The following FAM216A variants were observed in gnomAD, a reference collection of about 807,000 sequenced individuals.
FAM216A encodes protein FAM216A.
A neutral mutation model predicts 37.6 loss-of-function variants in FAM216A; 26 were observed. The ratio of observed to expected loss-of-function variants is 0.69; its 90% CI spans 0.51 to 0.96. FAM216A has a LOEUF of 0.96. Ranked by LOEUF, FAM216A falls within the 40% of genes least tolerant of loss-of-function variation. The pLI is 0.00. For missense variants in FAM216A, 326 were observed against 339.3 expected, an observed-to-expected ratio of 0.96 and a Z score of 0.31; for synonymous variants, 110 against 121.7, an observed-to-expected ratio of 0.90 and a Z score of 0.64.
In FAM216A at chr12:110,468,989, T is replaced by C; in HGVS notation, c.114T>C (p.Ala38=). The C allele has an allele frequency of 6.6e-7, 1 of 1,505,490 alleles. No individual in the cohort carries two copies. Among genetic ancestry groups the C allele is most frequent in the South Asian group, 1.2e-5 (1 of 81,776 alleles). The allele number at this position is 1,505,490 out of a possible 1,614,324, so 93.3% of individuals were successfully genotyped here. The change falls in exon 1 of 7, where the codon GCT becomes GCC. Residue 38 remains alanine, a synonymous_variant. Transcript: ENST00000377673. The stretch of plus-strand genomic sequence containing the variant: ...GTAGCTCTTCTGCAGAGCCGCCCGC[T>C]GTGGCCGGGACCGAGGGTGGCGGCG... The part of the protein sequence containing the change: ...TERSSSAEPP[A]VAGTEGGGGG...
In FAM216A at chr12:110,473,151, T is replaced by C. The variant is rs764017215; in HGVS notation, c.184+33T>C. ...GTGCATATAAAGCAGATAATACTTA[T>C]AAGTAACATGGTTCTGAGAAGCCTA... On this transcript the variant is annotated intron_variant, in intron 2 of 6. Coordinates refer to ENST00000377673, the MANE Select transcript of FAM216A (RefSeq NM_013300.3). 11 of 1,276,928 alleles carry C rather than the reference T, an allele frequency of 8.6e-6. No homozygotes were observed. The African/African-American group carries it at 1.5e-4, about 17-fold the overall frequency. 79.1% of individuals were successfully genotyped at this position (1,276,928 alleles called of 1,614,324 possible).
At chr12:110,486,941 A>G (rs1337129850) in intron 5 of FAM216A, 1 of 494,080 alleles carries the variant, frequency 2.0e-6, no homozygotes, top group Non-Finnish European at 3.6e-6. Context: ...AATTGTTTGT[A>G]CAGAAAGCAT....
intron 2 of FAM216A, among the ~76,000 whole-genome samples, chr12:110,481,761 ATTGT>A (rs772777406): frequency 1.3e-5 from 2 of 152,148 alleles, no homozygotes; most frequent in African/African-American, 2.4e-5. Context: ...TCTCAGAAAT[ATTGT>A]TTATTAAGGA....
intron 6 of FAM216A, among the ~76,000 whole-genome samples, chr12:110,489,290 AG>A (rs2135558552): frequency 6.6e-6 from 1 of 152,248 alleles, no homozygotes; most frequent in Admixed American, 6.5e-5. Flanking sequence ...AGATCACCTG[AG>A]GTCAGGAGTT....
chr12:110,486,536 G>A lies in FAM216A; in HGVS notation c.439G>A (p.Val147Ile). The change falls in exon 5 of 7, where the codon GTC (valine) becomes ATC (isoleucine). Residue 147 changes from valine to isoleucine, a missense_variant and splice_region_variant. Transcript: ENST00000377673. ...TTAACAGGTGATTTGTATCACAGGT[G>A]TCCTCACTCATCACAGAAGCCGCCT... ...VLQHSSQKPG[V>I]LTHHRSRLSS... 1.2e-6 allele frequency: 2 copies of A among 1,612,440 alleles called. No homozygotes were observed. Among genetic ancestry groups the A allele is most frequent in the South Asian group, 2.2e-5 (2 of 90,996 alleles).
chr12:110,468,751 C>T, upstream of FAM216A: 1 of 1,482,462 alleles, frequency 6.7e-7, no homozygotes, highest in South Asian at 1.3e-5. Flanking sequence ...CGCGGATCTG[C>T]CCGCCCCGCT....
chr12:110,489,647 A>G (rs915037264), intron 6 of FAM216A, among the ~76,000 whole-genome samples: 1 of 152,128 alleles, frequency 6.6e-6, no homozygotes, highest in Non-Finnish European at 1.5e-5. Context: ...AGGTACAGTT[A>G]GCGGAAACTG....
chr12:110,468,438 A>T, upstream of FAM216A: 1 of 1,535,238 alleles, frequency 6.5e-7, no homozygotes, highest in African/African-American at 1.4e-5. Flanking sequence ...GTTGATGGAA[A>T]TCGGCCGTTG....
chr12:110,482,356 G>A (rs1376734514), intron 2 of FAM216A, among the ~76,000 whole-genome samples: 1 of 152,032 alleles, frequency 6.6e-6, no homozygotes, highest in Admixed American at 6.6e-5. Flanking sequence ...GGGATTACAG[G>A]CATGGGCCAC....
chr12:110,469,148 A>C (rs1341889769), intron 1 of FAM216A, 130 bp downstream of exon 1: 3 of 1,100,154 alleles, frequency 2.7e-6, no homozygotes, highest in Non-Finnish European at 3.6e-6. Flanking sequence ...CGGTGCCCTC[A>C]AGTGAGAGGC....
intron 5 of FAM216A, 83 bp downstream of exon 5, chr12:110,486,800 A>C: frequency 8.0e-7 from 1 of 1,246,064 alleles, no homozygotes; most frequent in Non-Finnish European, 1.1e-6. Context: ...TCTCTCACCC[A>C]GGCTGGAGTG....
intron 3 of FAM216A, 35 bp from the exon 4 acceptor site, chr12:110,486,290 A>G (rs1565854081): frequency 1.3e-6 from 2 of 1,556,032 alleles, no homozygotes; most frequent in Admixed American, 1.9e-5. Context: ...CTCTAATACA[A>G]TGCAGACTAT....
intron 6 of FAM216A, among the ~76,000 whole-genome samples, chr12:110,488,465 G>GT (rs2062789543): frequency 6.6e-6 from 1 of 150,588 alleles, no homozygotes; most frequent in Non-Finnish European, 1.5e-5. Flanking sequence ...GCTCAAAAGA[G>GT]TAAGATTCAA....
intron 2 of FAM216A, among the ~76,000 whole-genome samples, chr12:110,482,929 T>A (rs1370136281): frequency 6.6e-6 from 1 of 152,082 alleles, no homozygotes; most frequent in African/African-American, 2.4e-5. Context: ...CCCATTTATA[T>A]CAAACTCAAG....
At chr12:110,468,690 A>T (rs2062656543), upstream of FAM216A, 2 of 1,525,778 alleles carry the variant, frequency 1.3e-6, no homozygotes, top group East Asian at 4.9e-5. Context: ...AAACGTGCAA[A>T]CGCTCAGCGA....
chr12:110,474,691 C>CAAAAAAA (rs34479591), intron 2 of FAM216A, among the ~76,000 whole-genome samples: 1 of 44,848 alleles, frequency 2.2e-5, no homozygotes, highest in African/African-American at 1.0e-4. Context: ...GACTCTGTCT[C>CAAAAAAA]AAAAAAAAAA....
intron 6 of FAM216A, 122 bp downstream of exon 6, chr12:110,488,065 T>C: frequency 3.0e-6 from 2 of 658,092 alleles, no homozygotes; most frequent in South Asian, 3.9e-5. Context: ...TTTGCTTTTA[T>C]TGTCACAAAT....
chr12:110,487,631 G>T, intron 5 of FAM216A: 1 of 481,894 alleles, frequency 2.1e-6, no homozygotes. Flanking sequence ...GTTATGCACA[G>T]GGGAATACTA....
At chr12:110,489,480 C>CAAAA (rs11397208) in intron 6 of FAM216A, among the ~76,000 whole-genome samples, 1 of 114,458 alleles carries the variant, frequency 8.7e-6, no homozygotes, top group Non-Finnish European at 1.9e-5. Flanking sequence ...CTCTAGTCTC[C>CAAAA]AAAAAAAAAA....
Sources: gnomAD v4.1 joint callset for allele counts (sites outside exome capture counted in the v4.1 genomes callset) on GRCh38, gnomAD v4.1.1 for gene constraint, MANE v1.5 for transcripts, NCBI Gene and HGNC (gene_info 2026-07-23, HGNC 2026-07-21) for gene names.